The following GNA14 variants were observed in gnomAD, a reference collection of about 807,000 sequenced individuals.
GNA14 encodes G protein subunit alpha 14, also known as guanine nucleotide-binding protein subunit alpha-14.
Under a neutral mutation model 42.0 loss-of-function variants are expected in GNA14, and 50 were observed. That is an observed-to-expected ratio of 1.19 (90% CI 0.95 to 1.51). GNA14 has a LOEUF of 1.51. Ranked by LOEUF, GNA14 falls within the 40% of genes most tolerant of loss-of-function variation. The pLI, the probability that GNA14 is intolerant of heterozygous loss-of-function variation, is 0.00. For missense variants in GNA14, 473 were observed against 446.2 expected (o/e 1.06, Z -0.54); for synonymous variants, 173 against 163.1 (o/e 1.06, Z -0.46).
chr9:77,431,593 C>T, intron 3 of GNA14, 144 bp from the exon 4 acceptor site: 1 of 660,138 alleles, frequency 1.5e-6, no homozygotes, highest in Non-Finnish European at 2.6e-6. Context: ...GAGCCAGTGC[C>T]AGGCCAGGCT....
At chr9:77,451,510 T>C (rs1294433273) in intron 2 of GNA14, among the ~76,000 whole-genome samples, 2 of 152,206 alleles carry the variant, frequency 1.3e-5, no homozygotes, top group African/African-American at 2.4e-5. Flanking sequence ...TATTCTAGGA[T>C]GGCCCTGAAA....
chr9:77,424,131 G>C lies in GNA14; in HGVS notation c.916C>G (p.Leu306Val). Residue 306 changes from leucine (L) to valine (V), a missense_variant, in exon 7 of 7, where the codon CTG becomes GTG. Transcript: ENST00000341700. The part of the protein sequence containing the change: ...QDVRAARDFI[L>V]KLYQDQNPDK... ...GGATTCTGATCTTGGTAAAGCTTCA[G>C]GATAAAGTCTCTGGCAGCTCTGACA... The C allele has an allele frequency of 3.1e-6, 5 of 1,612,528 alleles. No homozygotes were observed. The highest frequency in any genetic ancestry group is 4.2e-6 in the Non-Finnish European group (5 of 1,179,222).
At chr9:77,554,847 G>A (rs2081245705) in intron 1 of GNA14, among the ~76,000 whole-genome samples, 1 of 152,148 alleles carries the variant, frequency 6.6e-6, no homozygotes, top group Admixed American at 6.5e-5. Flanking sequence ...AGAATTGCAT[G>A]TTTTTGTGGC....
At chr9:77,491,600 C>T (rs1836776643) in intron 2 of GNA14, among the ~76,000 whole-genome samples, 1 of 152,216 alleles carries the variant, frequency 6.6e-6, no homozygotes, top group South Asian at 2.1e-4. Context: ...GTCAATTTGG[C>T]AAGAGGATAT....
At chr9:77,500,900 T>C (rs79715654) in intron 2 of GNA14, among the ~76,000 whole-genome samples, 3,640 of 152,274 alleles carry the variant, frequency 0.024, 90 homozygotes, top group African/African-American at 0.06. Flanking sequence ...TGTGTGAATA[T>C]AGTTTTTACT....
chr9:77,491,529 A>T (rs1836775183), intron 2 of GNA14, among the ~76,000 whole-genome samples: 1 of 152,238 alleles, frequency 6.6e-6, no homozygotes, highest in Non-Finnish European at 1.5e-5. Context: ...ATCAGATAAA[A>T]TAGACTACAA....
intron 2 of GNA14, among the ~76,000 whole-genome samples, chr9:77,481,377 C>A (rs1836549783): frequency 6.6e-6 from 1 of 152,164 alleles, no homozygotes; most frequent in South Asian, 2.1e-4. Context: ...GTTTCTTAAT[C>A]CTGAGTTCTA....
At chr9:77,479,940 G>A (rs557702059) in intron 2 of GNA14, among the ~76,000 whole-genome samples, 2,394 of 152,250 alleles carry the variant, frequency 0.016, 55 homozygotes, top group African/African-American at 0.055. Context: ...TCAGCTTAAG[G>A]AGATTTTGGG....
intron 1 of GNA14, among the ~76,000 whole-genome samples, chr9:77,538,948 C>A (rs927510320): frequency 2.6e-5 from 4 of 152,110 alleles, no homozygotes; most frequent in African/African-American, 9.7e-5. Flanking sequence ...CTTATATCAC[C>A]CACAAAGAGG....
Position 77,622,477 on chromosome 9 carries a change from A to C in GNA14, c.124+25193T>G, listed in dbSNP as rs188549405. Among the ~76,000 whole-genome samples the C allele has an allele frequency of 4.6e-3, 698 of 152,236 alleles. 1 individual carries two copies. The highest frequency in any genetic ancestry group is 6.7e-3 in the Non-Finnish European group (455 of 68,024). On this transcript the variant is annotated intron_variant, in intron 1 of 6. Coordinates refer to ENST00000341700, the MANE Select transcript of GNA14 (RefSeq NM_004297.4). ...AATCACTAAATTAGATGATTAAAGA[A>C]ATTTTTTTCGGCCAGGCAGGGTGGC... is the stretch of plus-strand genomic sequence containing the variant.
chr9:77,601,877 T>C (rs1489486370), intron 1 of GNA14, among the ~76,000 whole-genome samples: 1 of 152,256 alleles, frequency 6.6e-6, no homozygotes, highest in Non-Finnish European at 1.5e-5. Flanking sequence ...ACTTCAATGC[T>C]TTCCAGGGCC....
intron 1 of GNA14, among the ~76,000 whole-genome samples, chr9:77,546,215 CAAAAAAA>C (rs764378681): frequency 1.4e-4 from 6 of 42,914 alleles, no homozygotes; most frequent in East Asian, 1.2e-3. Context: ...AGCTCCATCT[CAAAAAAA>C]AAAAAAAAAA....
At chr9:77,455,598 A>G (rs1383701670) in intron 2 of GNA14, among the ~76,000 whole-genome samples, 1 of 152,176 alleles carries the variant, frequency 6.6e-6, no homozygotes, top group Non-Finnish European at 1.5e-5. Context: ...CCCTCGGCTT[A>G]TATTTTTAAA....
intron 1 of GNA14, among the ~76,000 whole-genome samples, chr9:77,623,424 AAAGAAT>A (rs1016103744): frequency 2.6e-4 from 40 of 151,930 alleles, no homozygotes; most frequent in South Asian, 4.1e-4. Flanking sequence ...CATAAAGGAG[AAAGAAT>A]AAGAATAAGT....
At position 77,425,561 on chromosome 9, in the gene GNA14, C is replaced by A. The variant is rs766501518; in HGVS notation, c.877+1G>T. Reference sequence around the variant, plus strand: ...ACACTGTCCACAAGATAGACACTTACCTGTGTATTCTGGGAAATAGCTAAT... The same window carrying A: ...ACACTGTCCACAAGATAGACACTTAACTGTGTATTCTGGGAAATAGCTAAT... On this transcript the variant is annotated splice_donor_variant, in intron 6 of 6. Coordinates refer to ENST00000341700, the MANE Select transcript of GNA14 (RefSeq NM_004297.4). LOFTEE classifies it high-confidence loss of function. The A allele has an allele frequency of 1.3e-5, 21 of 1,597,316 alleles. No individual in the cohort carries two copies. Among genetic ancestry groups the A allele is most frequent in the African/African-American group, 1.1e-4 (8 of 74,348 alleles).
In GNA14 at chr9:77,625,196, A is replaced by T. The variant is rs1823994750; in HGVS notation, c.124+22474T>A. Among the ~76,000 whole-genome samples, 3 of 151,818 alleles carry T rather than the reference A, an allele frequency of 2.0e-5. No homozygotes were observed. The South Asian group carries it at 6.2e-4, about 32-fold the overall frequency. On this transcript the variant is annotated intron_variant, in intron 1 of 6. Transcript: ENST00000341700. The stretch of plus-strand genomic sequence containing the variant: ...ACTTAACGAAATAAAGCATGAAGAC[A>T]AAAAAAGAATGAAAAGGAATGAATA...
chr9:77,470,839 GAGAA>G (rs944018562), intron 2 of GNA14, among the ~76,000 whole-genome samples: 27 of 152,270 alleles, frequency 1.8e-4, no homozygotes, highest in Admixed American at 1.8e-3. Context: ...GGCAGCAGGA[GAGAA>G]AGAGAGAGCC....
At chr9:77,480,656 C>T (rs944318254) in intron 2 of GNA14, among the ~76,000 whole-genome samples, 7 of 152,132 alleles carry the variant, frequency 4.6e-5, no homozygotes, top group African/African-American at 1.2e-4. Flanking sequence ...TGGTAGAATT[C>T]GGCTGTGAAT....
Position 77,529,180 on chromosome 9 carries a change from T to G in GNA14, c.198A>C (p.Glu66Asp). The change falls in exon 2 of 7, where the codon GAA (glutamate) becomes GAC (aspartate). Residue 66 changes from glutamate to aspartate, a missense_variant. Glu to Asp is a conservative substitution (Grantham distance 45). Coordinates refer to ENST00000341700, the MANE Select transcript of GNA14 (RefSeq NM_004297.4). ...CCAGCTTCGTGAACCCCTTTCTGTC[T>G]TCGTCGCTGTAACCAGACCCATGGA... ...RIIHGSGYSD[E>D]DRKGFTKLVY... The G allele has an allele frequency of 6.2e-7, 1 of 1,614,076 alleles. No individual in the cohort carries two copies. The highest frequency in any genetic ancestry group is 8.5e-7 in the Non-Finnish European group (1 of 1,179,924).
Sources: gnomAD v4.1 joint callset for allele counts (sites outside exome capture counted in the v4.1 genomes callset) on GRCh38, gnomAD v4.1.1 for gene constraint, MANE v1.5 for transcripts, NCBI Gene and HGNC (gene_info 2026-07-23, HGNC 2026-07-21) for gene names.